RARB: variants seen among roughly 807,000 people sequenced by gnomAD.
RARB encodes HBV-activated protein.
RARB carries 17 observed loss-of-function variants against 51.9 expected under a neutral mutation model. That is an observed-to-expected ratio of 0.33 (90% CI 0.22 to 0.49). The LOEUF (loss-of-function observed/expected upper bound fraction) is 0.49, where lower values mean the gene tolerates loss of function less well. Among genes scored for constraint, RARB ranks in the 20% least tolerant of loss-of-function variants. The pLI is 0.99. For missense variants in RARB, 369 were observed against 550.8 expected, an observed-to-expected ratio of 0.67 and a Z score of 3.30; for synonymous variants, 215 against 195.4, an observed-to-expected ratio of 1.10 and a Z score of -0.84.
chr3:25,068,190 A>T (rs901373839), intron 3 of RARB, among the ~76,000 whole-genome samples: 2 of 146,882 alleles, frequency 1.4e-5, no homozygotes, highest in African/African-American at 5.0e-5. Context: ...TAAGGATTAA[A>T]GTTCAACAGT....
chr3:24,839,573 C>T (rs530388087), intron 1 of RARB, among the ~76,000 whole-genome samples: 10 of 148,940 alleles, frequency 6.7e-5, no homozygotes, highest in African/African-American at 1.5e-4. Context: ...CTGGGTATGG[C>T]GGTGCACATC....
At chr3:25,087,562 C>T (rs1181849627) in intron 3 of RARB, among the ~76,000 whole-genome samples, 1 of 152,050 alleles carries the variant, frequency 6.6e-6, no homozygotes, top group Non-Finnish European at 1.5e-5. Context: ...ATAGTAAATA[C>T]CTCATAGGTT....
At chr3:24,906,622 C>T (rs1461077281) in intron 2 of RARB, among the ~76,000 whole-genome samples, 1 of 152,022 alleles carries the variant, frequency 6.6e-6, no homozygotes, top group Non-Finnish European at 1.5e-5. Flanking sequence ...GCGGGCAGAT[C>T]ACCTGAGGTC....
At chr3:25,078,827 G>A (rs1033586096) in intron 3 of RARB, among the ~76,000 whole-genome samples, 4 of 152,098 alleles carry the variant, frequency 2.6e-5, no homozygotes, top group African/African-American at 7.2e-5. Context: ...CATGGCACCC[G>A]GCTGAACTTT....
At chr3:25,291,477 T>A (rs1265796974) in intron 5 of RARB, among the ~76,000 whole-genome samples, 5 of 64,794 alleles carry the variant, frequency 7.7e-5, no homozygotes, top group Admixed American at 5.1e-4. Context: ...AGATGTTTGC[T>A]TTTTTTTTTT....
At chr3:24,928,520 T>C (rs925782387) in intron 2 of RARB, among the ~76,000 whole-genome samples, 2 of 152,088 alleles carry the variant, frequency 1.3e-5, no homozygotes, top group African/African-American at 4.8e-5. Context: ...AGCTAAATGA[T>C]TGATTATTCC....
intron 3 of RARB, among the ~76,000 whole-genome samples, chr3:25,522,343 G>A (rs538310591): frequency 1.3e-5 from 2 of 152,208 alleles, no homozygotes; most frequent in South Asian, 2.1e-4. Context: ...ACAACCTTTC[G>A]GTAGGCGCAG....
intron 5 of RARB, among the ~76,000 whole-genome samples, chr3:25,342,758 A>G (rs1334999683): frequency 2.0e-5 from 3 of 152,056 alleles, no homozygotes; most frequent in Non-Finnish European, 4.4e-5. Flanking sequence ...TCTTTTTTTC[A>G]TGGTCTTTTT....
chr3:25,574,478 T>C (rs867857789), intron 4 of RARB, among the ~76,000 whole-genome samples: 1 of 152,178 alleles, frequency 6.6e-6, no homozygotes, highest in Non-Finnish European at 1.5e-5. Context: ...ATGCCCAGGT[T>C]CTGTAAACTA....
At chr3:24,958,261 T>TG (rs1559411505) in intron 2 of RARB, among the ~76,000 whole-genome samples, 9 of 116,382 alleles carry the variant, frequency 7.7e-5, no homozygotes, top group Non-Finnish European at 1.5e-4. Context: ...TCAGGTTTTT[T>TG]TTTTTTTTTT....
At chr3:25,014,675 C>T (rs528781608) in intron 2 of RARB, among the ~76,000 whole-genome samples, 1 of 152,178 alleles carries the variant, frequency 6.6e-6, no homozygotes, top group Admixed American at 6.5e-5. Context: ...CTGTAAGCTA[C>T]TAAGTGGTGG....
chr3:25,192,037 G>C (rs1032074600), intron 5 of RARB, among the ~76,000 whole-genome samples: 13 of 152,072 alleles, frequency 8.5e-5, no homozygotes, highest in African/African-American at 3.1e-4. Flanking sequence ...CTTTGCAAAA[G>C]TGTAACAATG....
chr3:25,289,152 T>G (rs1703724671), intron 5 of RARB, among the ~76,000 whole-genome samples: 1 of 152,240 alleles, frequency 6.6e-6, no homozygotes, highest in Non-Finnish European at 1.5e-5. Context: ...ATTTCAAATA[T>G]CAGCTTCACC....
intron 2 of RARB, among the ~76,000 whole-genome samples, chr3:24,927,944 A>G (rs974322136): frequency 1.3e-5 from 2 of 152,108 alleles, no homozygotes; most frequent in Non-Finnish European, 2.9e-5. Flanking sequence ...CCTGTAATGC[A>G]GATGTATTCC....
chr3:25,218,934 C>T (rs562713555), intron 5 of RARB, among the ~76,000 whole-genome samples: 10 of 152,282 alleles, frequency 6.6e-5, no homozygotes, highest in South Asian at 4.1e-4. Context: ...TCTACCTTCA[C>T]GCTTGCCTTG....
chr3:24,900,191 T>C (rs569517918), intron 2 of RARB, among the ~76,000 whole-genome samples: 1 of 152,300 alleles, frequency 6.6e-6, no homozygotes, highest in Admixed American at 6.5e-5. Context: ...ACTCCAAGGA[T>C]TGTGGTAAAT....
chr3:25,479,892 G>A (rs556965623), intron 2 of RARB, among the ~76,000 whole-genome samples: 1 of 152,138 alleles, frequency 6.6e-6, no homozygotes, highest in Non-Finnish European at 1.5e-5. Context: ...TACATTACCA[G>A]CAGTGCAATA....
intron 2 of RARB, among the ~76,000 whole-genome samples, chr3:25,474,907 A>G (rs1377697790): frequency 6.6e-6 from 1 of 152,150 alleles, no homozygotes; most frequent in Non-Finnish European, 1.5e-5. Flanking sequence ...CTGTTGACCA[A>G]AAATTTGAGT....
intron 2 of RARB, among the ~76,000 whole-genome samples, chr3:25,476,714 A>T (rs920566361): frequency 6.6e-6 from 1 of 152,168 alleles, no homozygotes. Context: ...TTCTGTGTAA[A>T]CACCATTTTT....
Sources: allele counts gnomAD v4.1 joint callset (sites outside exome capture counted in the v4.1 genomes callset), GRCh38; gene constraint gnomAD v4.1.1; transcripts MANE v1.5; gene names NCBI Gene and HGNC (gene_info 2026-07-23, HGNC 2026-07-21).